SP100: variants seen among roughly 807,000 people sequenced by gnomAD.
SP100 encodes SP100 nuclear body protein.
A neutral mutation model predicts 130.0 loss-of-function variants in SP100; 84 were observed. The ratio of observed to expected loss-of-function variants is 0.65; its 90% CI spans 0.54 to 0.77. SP100 has a LOEUF of 0.77. SP100 is among the 30% of genes least tolerant of loss of function. The probability of loss-of-function intolerance (pLI) is 0.00; values close to 1 mark genes in which losing one functional copy is unlikely to be tolerated. For synonymous variants in SP100, 331 were observed against 351.7 expected (o/e 0.94, Z 0.66); for missense variants, 978 against 1,052.2 (o/e 0.93, Z 0.97).
At chr2:230,522,656 T>G (rs1398349886) in intron 24 of SP100, among the ~76,000 whole-genome samples, 9 of 150,594 alleles carry the variant, frequency 6.0e-5, no homozygotes, top group Non-Finnish European at 1.5e-5. Context: ...GCCCAGCTAA[T>G]TTTTTGTATT....
chr2:230,488,654 C>T (rs2066242868), intron 17 of SP100, among the ~76,000 whole-genome samples: 1 of 152,214 alleles, frequency 6.6e-6, no homozygotes, highest in Non-Finnish European at 1.5e-5. Flanking sequence ...ACCTCATGAT[C>T]CAACCGCCTC....
chr2:230,515,245 A>C (rs1468845964), intron 24 of SP100: 1 of 1,613,214 alleles, frequency 6.2e-7, no homozygotes, highest in Non-Finnish European at 8.5e-7. Context: ...TGAAAGAGAA[A>C]TGAAAACCTA....
chr2:230,477,177 T>G (rs924222807), intron 17 of SP100, among the ~76,000 whole-genome samples: 1 of 152,176 alleles, frequency 6.6e-6, no homozygotes, highest in East Asian at 1.9e-4. Flanking sequence ...CTCAGTGTTT[T>G]AAGTCATGGT....
chr2:230,436,564 C>A (rs1036131446), intron 2 of SP100, among the ~76,000 whole-genome samples: 1 of 152,160 alleles, frequency 6.6e-6, no homozygotes, highest in Non-Finnish European at 1.5e-5. Context: ...TCGCCTTCCA[C>A]CATGATTGTA....
At chr2:230,486,063 A>C (rs555449016) in intron 17 of SP100, among the ~76,000 whole-genome samples, 8 of 8,410 alleles carry the variant, frequency 9.5e-4, no homozygotes, top group Non-Finnish European at 1.5e-3. Flanking sequence ...AGACTGGGTA[A>C]TTTATTTTAA....
At chr2:230,481,024 T>TTGGTGGTGGTGG (rs80161443) in intron 17 of SP100, among the ~76,000 whole-genome samples, 167 of 144,324 alleles carry the variant, frequency 1.2e-3, no homozygotes, top group African/African-American at 3.9e-3. Context: ...AGTGGTAGTA[T>TTGGTGGTGGTGG]TGGTGGTGGT....
intron 19 of SP100, 76 bp from the exon 20 acceptor site, chr2:230,502,990 A>G: frequency 8.6e-7 from 1 of 1,157,890 alleles, no homozygotes. Flanking sequence ...GAAAAGTTGC[A>G]TTTGAATGGT....
At position 230,449,131 on chromosome 2, in the gene SP100, G is replaced by A. The variant is rs868403226; in HGVS notation, c.567G>A (p.Ser189=). ...TTCGAAGCCTGACTTGGCCACCTTC[G>A]GGTTCCCCATCTCATGCTGGTTTGT... The part of the protein sequence containing the change: ...NSFRSLTWPP[S]GSPSHAGTTP... The change falls in exon 6 of 29, where the codon TCG becomes TCA. Residue 189 remains serine (S), a synonymous_variant. Coordinates refer to ENST00000340126, the MANE Select transcript of SP100 (RefSeq NM_001080391.2). The A allele has an allele frequency of 1.5e-5, 24 of 1,613,748 alleles. No homozygotes were observed. The Middle Eastern group carries it at 6.6e-4, about 44-fold the overall frequency.
chr2:230,544,484 T>G lies in SP100; in HGVS notation c.*1538T>G, dbSNP rs564766218. Among the ~76,000 whole-genome samples, 1 of 100,288 alleles carries G rather than the reference T, an allele frequency of 1.0e-5. No individual in the cohort carries two copies. Among genetic ancestry groups the G allele is most frequent in the South Asian group, 4.7e-4 (1 of 2,140 alleles). The allele number at this position is 100,288 out of a possible 152,430, so 65.8% of individuals were successfully genotyped here. ...CCCATTAAAAAGTGGGCAAAGGACA[T>G]GAAAGACACTTTTTTTTTTTAAGAT... On this transcript the variant is annotated 3_prime_UTR_variant, in exon 29 of 29. Coordinates refer to ENST00000340126, the MANE Select transcript of SP100 (RefSeq NM_001080391.2).
chr2:230,459,783 GC>G lies in SP100; in HGVS notation c.821-1474del, dbSNP rs1469466732. On this transcript the variant is annotated intron_variant, in intron 8 of 28. Coordinates refer to ENST00000340126, the MANE Select transcript of SP100 (RefSeq NM_001080391.2). ...AATTAGAGGAACAGTCTCCTGTCTG[GC>G]CCCCAGTCTTGCTCCTCTCAAGTCT... Among the ~76,000 whole-genome samples, 4 of 152,232 alleles carry G rather than the reference GC, an allele frequency of 2.6e-5. No individual in the cohort carries two copies. In the East Asian group the frequency reaches 5.8e-4, roughly 22 times the overall value.
chr2:230,495,593 T>C lies in SP100; in HGVS notation c.1645+1133T>C, dbSNP rs147660982. On this transcript the variant is annotated intron_variant, in intron 18 of 28. Transcript: ENST00000340126. Reference sequence around the variant, plus strand: ...CCTCGGCCTCCCAAAATGCTGGGATTACAGGCAGTGAACCAAACTCAATCA... The same window carrying C: ...CCTCGGCCTCCCAAAATGCTGGGATCACAGGCAGTGAACCAAACTCAATCA... 3.1e-3 allele frequency among the ~76,000 whole-genome samples: 477 copies of C among 152,336 alleles called. 1 individual carries two copies. The highest frequency in any genetic ancestry group is 4.8e-3 in the Non-Finnish European group (326 of 68,034).
At chr2:230,534,129 C>T (rs574974568) in intron 24 of SP100, among the ~76,000 whole-genome samples, 3 of 152,254 alleles carry the variant, frequency 2.0e-5, no homozygotes, top group South Asian at 2.1e-4. Flanking sequence ...TAAATGTCAG[C>T]GGGTGCGGTG....
At chr2:230,468,220 A>C (rs1159348500) in intron 13 of SP100, among the ~76,000 whole-genome samples, 1 of 152,186 alleles carries the variant, frequency 6.6e-6, no homozygotes, top group African/African-American at 2.4e-5. Context: ...CAAACTCTTA[A>C]TAAACATTCA....
chr2:230,456,598 T>G (rs2064286493), intron 8 of SP100, among the ~76,000 whole-genome samples: 1 of 152,212 alleles, frequency 6.6e-6, no homozygotes, highest in Non-Finnish European at 1.5e-5. Flanking sequence ...TCTTCATGAC[T>G]TTTCATTCTC....
At chr2:230,517,217 C>T (rs1266095862) in intron 24 of SP100, among the ~76,000 whole-genome samples, 1 of 151,520 alleles carries the variant, frequency 6.6e-6, no homozygotes, top group African/African-American at 2.4e-5. Context: ...AATTTTAGGC[C>T]AAAAAAACAA....
Position 230,503,111 on chromosome 2 carries a change from G to C in SP100, c.1765+1G>C. 6.3e-7 allele frequency: 1 copy of C among 1,582,364 alleles called. No homozygotes were observed. The highest frequency in any genetic ancestry group is 8.7e-7 in the Non-Finnish European group (1 of 1,155,636). ...CCTTTGAAAAGAAGAAGAAAAAGAG[G>C]TAAATAGAAGTGATCGATATGTTTT... On this transcript the variant is annotated splice_donor_variant, in intron 20 of 28. Transcript: ENST00000340126. LOFTEE classifies it high-confidence loss of function.
Position 230,486,639 on chromosome 2 carries a change from C to T in SP100, c.1601-7777C>T, listed in dbSNP as rs181250793. Among the ~76,000 whole-genome samples the T allele has an allele frequency of 2.1e-3, 318 of 152,296 alleles. 1 individual carries two copies. The highest frequency in any genetic ancestry group is 3.8e-3 in the Non-Finnish European group (259 of 68,028). ...CAAATAGTGCTGCAATAAACATAGA[C>T]GTGTGCATGTGTCTTTATAGTAGAA... On this transcript the variant is annotated intron_variant, in intron 17 of 28. Coordinates refer to ENST00000340126, the MANE Select transcript of SP100 (RefSeq NM_001080391.2).
chr2:230,477,150 C>T (rs937745404), intron 17 of SP100, among the ~76,000 whole-genome samples: 1 of 152,130 alleles, frequency 6.6e-6, no homozygotes, highest in African/African-American at 2.4e-5. Flanking sequence ...CAGGCATGAG[C>T]TACCACGCCC....
rs114779656 is a variant in SP100, at chr2:230,537,267, A to C, written c.2095-2000A>C. ...GAGTGAGACCCTGTCTCAAAACAAA[A>C]ATGCCATGCAGCTGGACTGGTACAG... On this transcript the variant is annotated intron_variant, in intron 24 of 28. Coordinates refer to ENST00000340126, the MANE Select transcript of SP100 (RefSeq NM_001080391.2). 3.8e-3 allele frequency among the ~76,000 whole-genome samples: 580 copies of C among 152,254 alleles called. 3 individuals are homozygous for C. The highest frequency in any genetic ancestry group is 0.014 in the African/African-American group (566 of 41,544).
Sources: gnomAD v4.1 joint callset for allele counts (sites outside exome capture counted in the v4.1 genomes callset) on GRCh38, gnomAD v4.1.1 for gene constraint, MANE v1.5 for transcripts, NCBI Gene and HGNC (gene_info 2026-07-23, HGNC 2026-07-21) for gene names.